Variants in TLR5 observed in about 807,000 individuals in gnomAD.
The protein encoded by TLR5 is toll like receptor 5.
For missense variants in TLR5, 944 were observed against 999.8 expected (o/e 0.94, Z 0.75); for synonymous variants, 373 against 384.4 (o/e 0.97, Z 0.35).
chr1:223,140,345 G>A (rs1464155334), intron 2 of TLR5, among the ~76,000 whole-genome samples: 3 of 152,078 alleles, frequency 2.0e-5, no homozygotes, highest in South Asian at 2.1e-4. Context: ...TCAGGAGTTC[G>A]AGACCAGCCT....
intron 5 of TLR5, among the ~76,000 whole-genome samples, chr1:223,120,042 G>C (rs1656883824): frequency 7.4e-6 from 1 of 136,026 alleles, no homozygotes; most frequent in African/African-American, 2.9e-5. Flanking sequence ...ACAACAGATA[G>C]CAGGACCTGA....
intron 5 of TLR5, among the ~76,000 whole-genome samples, chr1:223,113,373 T>C (rs1025975159): frequency 4.6e-5 from 7 of 151,960 alleles, no homozygotes; most frequent in Non-Finnish European, 1.0e-4. Flanking sequence ...ACCCGGCTAA[T>C]TTTTGTATTT....
intron 5 of TLR5, among the ~76,000 whole-genome samples, chr1:223,118,716 C>T (rs116185147): frequency 0.011 from 1,671 of 152,200 alleles, 32 homozygotes; most frequent in African/African-American, 0.038. Context: ...TTAATGCTGA[C>T]GGGTATAATG....
In TLR5 at chr1:223,110,945, T is replaced by C. The variant is rs1656291096; in HGVS notation, c.2087A>G (p.Tyr696Cys). ...TEPDMYKYDA[Y>C]LCFSSKDFTW... is the part of the protein sequence containing the mutation. Reference sequence around the variant, plus strand: ...GAAGTCTTTGCTGCTGAAGCACAAATAGGCATCATATTTGTACATATCAGG... The same window carrying C: ...GAAGTCTTTGCTGCTGAAGCACAAACAGGCATCATATTTGTACATATCAGG... The change falls in exon 6 of 6, where the codon TAT becomes TGT. Residue 696 changes from tyrosine (Y) to cysteine (C), a missense_variant. Tyr to Cys is a radical substitution (Grantham distance 194). Transcript: ENST00000642603. The C allele has an allele frequency of 6.2e-7, 1 of 1,614,246 alleles. No homozygotes were observed. The highest frequency in any genetic ancestry group is 8.5e-7 in the Non-Finnish European group (1 of 1,180,046).
At chr1:223,130,365 C>G (rs1024226926) in intron 5 of TLR5, among the ~76,000 whole-genome samples, 2 of 152,200 alleles carry the variant, frequency 1.3e-5, no homozygotes, top group South Asian at 2.1e-4. Context: ...CTTTGACTCA[C>G]TGTGTTGCCA....
At chr1:223,120,613 T>C (rs1356532931) in intron 5 of TLR5, among the ~76,000 whole-genome samples, 1 of 152,194 alleles carries the variant, frequency 6.6e-6, no homozygotes, top group Non-Finnish European at 1.5e-5. Context: ...GAGTTTGACT[T>C]TTTTTTATTG....
At chr1:223,138,282 G>GGTTTTGTTTT (rs371367612) in intron 2 of TLR5, among the ~76,000 whole-genome samples, 4 of 151,742 alleles carry the variant, frequency 2.6e-5, no homozygotes, top group African/African-American at 9.7e-5. Flanking sequence ...TCTCCTTGTG[G>GGTTTTGTTTT]GTTTTGTTTT....
intron 4 of TLR5, among the ~76,000 whole-genome samples, chr1:223,133,557 C>G (rs1388005134): frequency 6.6e-6 from 1 of 152,166 alleles, no homozygotes; most frequent in Non-Finnish European, 1.5e-5. Flanking sequence ...CTGCTCATTA[C>G]CCCCATGCCC....
intron 5 of TLR5, chr1:223,123,573 TA>T (rs1321739554): frequency 6.6e-6 from 1 of 152,228 alleles, no homozygotes; most frequent in East Asian, 1.9e-4. Flanking sequence ...GTCTCTGAAG[TA>T]GATCTCTGTG....
At chr1:223,116,175 A>G (rs958392074) in intron 5 of TLR5, among the ~76,000 whole-genome samples, 4 of 152,100 alleles carry the variant, frequency 2.6e-5, no homozygotes, top group Non-Finnish European at 5.9e-5. Flanking sequence ...CTGTGTCCGA[A>G]ATTGGTGGGT....
chr1:223,116,619 C>A (rs115429845), intron 5 of TLR5, among the ~76,000 whole-genome samples: 2 of 152,154 alleles, frequency 1.3e-5, no homozygotes, highest in African/African-American at 4.8e-5. Flanking sequence ...TGCTGGCCGC[C>A]GCAGCCTGCT....
Position 223,133,400 on chromosome 1 carries a change from C to A in TLR5, c.-169-761G>T, listed in dbSNP as rs563357645. On this transcript the variant is annotated intron_variant, in intron 4 of 5. Coordinates refer to ENST00000642603, the MANE Select transcript of TLR5 (RefSeq NM_003268.6). Reference sequence around the variant, plus strand: ...GGAACCTGAAACGGCCCGCCTGAGACCTCCTTGAAACGGTGATTCTGATTC... The same window carrying A: ...GGAACCTGAAACGGCCCGCCTGAGAACTCCTTGAAACGGTGATTCTGATTC... Among the ~76,000 whole-genome samples the A allele has an allele frequency of 7.9e-5, 12 of 152,302 alleles. No homozygotes were observed. The South Asian group carries it at 2.1e-3, about 26-fold the overall frequency.
intron 5 of TLR5, among the ~76,000 whole-genome samples, chr1:223,125,140 A>G (rs756615975): frequency 3.9e-5 from 6 of 152,170 alleles, no homozygotes; most frequent in South Asian, 4.2e-4. Flanking sequence ...GAATATGTTA[A>G]TATTATTCTC....
At chr1:223,114,746 G>A (rs1656541480) in intron 5 of TLR5, among the ~76,000 whole-genome samples, 1 of 152,152 alleles carries the variant, frequency 6.6e-6, no homozygotes, top group African/African-American at 2.4e-5. Flanking sequence ...TAATCGTTAG[G>A]AAAAACTTGG....
chr1:223,130,771 A>T (rs1657367465), intron 5 of TLR5, among the ~76,000 whole-genome samples: 1 of 152,212 alleles, frequency 6.6e-6, no homozygotes, highest in Admixed American at 6.5e-5. Flanking sequence ...TTAGGGCTAT[A>T]GCCATTCTGA....
rs766330121 is a variant in TLR5, at chr1:223,112,181, C to A, written c.851G>T (p.Gly284Val). 1.9e-6 allele frequency: 3 copies of A among 1,614,194 alleles called. No homozygotes were observed. The East Asian group carries it at 6.7e-5, about 36-fold the overall frequency. ...IKDPDQNTFA[G>V]LARSSVRHLD... Reference sequence around the variant, plus strand: ...GTGTCTCACTGAACTTCTGGCCAGGCCAGCAAATGTGTTCTGGTCAGGATC... The same window carrying A: ...GTGTCTCACTGAACTTCTGGCCAGGACAGCAAATGTGTTCTGGTCAGGATC... Residue 284 changes from glycine (G) to valine (V), a missense_variant, in exon 6 of 6, where the codon GGC becomes GTC. Gly to Val is a moderately radical substitution (Grantham distance 109, BLOSUM62 -3). Transcript: ENST00000642603.
intron 5 of TLR5, among the ~76,000 whole-genome samples, chr1:223,117,043 T>TGA (rs1656695444): frequency 6.6e-6 from 1 of 152,044 alleles, no homozygotes; most frequent in East Asian, 1.9e-4. Flanking sequence ...CTTGGCCGCG[T>TGA]GAGAGCCCAC....
intron 5 of TLR5, among the ~76,000 whole-genome samples, chr1:223,113,360 T>C (rs775460229): frequency 2.0e-5 from 3 of 152,020 alleles, no homozygotes; most frequent in Non-Finnish European, 2.9e-5. Flanking sequence ...CACGTGCCAC[T>C]GTACCCGGCT....
intron 5 of TLR5, among the ~76,000 whole-genome samples, chr1:223,119,141 A>C (rs535749727): frequency 4.6e-5 from 7 of 152,128 alleles, no homozygotes; most frequent in African/African-American, 1.2e-4. Flanking sequence ...AGAGAAAGAA[A>C]GTCCATTCAG....
Sources: gnomAD v4.1 joint callset for allele counts (sites outside exome capture counted in the v4.1 genomes callset) on GRCh38, gnomAD v4.1.1 for gene constraint, MANE v1.5 for transcripts, NCBI Gene and HGNC (gene_info 2026-07-23, HGNC 2026-07-21) for gene names.